The following HIP1 variants were observed in gnomAD, a reference collection of about 807,000 sequenced individuals.
HIP1 encodes huntingtin interacting protein 1, also known as huntingtin-interacting protein 1.
In HIP1, 65 loss-of-function variants were observed where a neutral mutation model predicts 147.6. The ratio of observed to expected loss-of-function variants is 0.44; its 90% CI spans 0.36 to 0.54. The LOEUF is 0.54. HIP1 is among the 20% of genes least tolerant of loss of function. The pLI is 0.00. For synonymous variants in HIP1, 479 were observed against 504.0 expected (o/e 0.95, Z 0.67); for missense variants, 1,061 against 1,299.6 (o/e 0.82, Z 2.82).
intron 1 of HIP1, among the ~76,000 whole-genome samples, chr7:75,619,515 CAAAA>C (rs587631989): frequency 9.1e-6 from 1 of 109,712 alleles, no homozygotes. Context: ...GACTTTGTCT[CAAAA>C]AAAAAAAAAA....
intron 1 of HIP1, among the ~76,000 whole-genome samples, chr7:75,737,236 AT>A (rs1328043798): frequency 1.3e-5 from 2 of 150,226 alleles, no homozygotes; most frequent in Admixed American, 6.6e-5. Context: ...TAATTTTTTT[AT>A]TTTTTGTAGA....
At chr7:75,549,139 G>T (rs888025538) in intron 22 of HIP1, 138 bp from the exon 23 acceptor site, 8 of 620,648 alleles carry the variant, frequency 1.3e-5, no homozygotes, top group African/African-American at 1.1e-4. Context: ...GTTGTGGGGG[G>T]GTCTTTTGCA....
chr7:75,658,885 C>T (rs868906555), intron 1 of HIP1, among the ~76,000 whole-genome samples: 3 of 151,918 alleles, frequency 2.0e-5, no homozygotes, highest in South Asian at 2.1e-4. Flanking sequence ...CAGAGTGAGA[C>T]GCCATCTCAA....
At chr7:75,682,006 A>G (rs1800092560) in intron 1 of HIP1, among the ~76,000 whole-genome samples, 1 of 147,066 alleles carries the variant, frequency 6.8e-6, no homozygotes, top group African/African-American at 2.5e-5. Context: ...TATTTATCTA[A>G]GGCAACAACC....
rs527728694 is a variant in HIP1, at chr7:75,713,990, G to C, written c.120+24811C>G. 3.6e-4 allele frequency among the ~76,000 whole-genome samples: 51 copies of C among 141,354 alleles called. No individual in the cohort carries two copies. The East Asian group carries it at 6.0e-3, about 17-fold the overall frequency. The allele number at this position is 141,354 out of a possible 152,430, so 92.7% of individuals were successfully genotyped here. On this transcript the variant is annotated intron_variant, in intron 1 of 30. Coordinates refer to ENST00000336926, the MANE Select transcript of HIP1 (RefSeq NM_005338.7). ...GCTGGGATTACAGGCATGAGCCACT[G>C]TGCCCAGCCTCTTTTTTTTTTTAAC...
At chr7:75,728,787 CAAAAAAA>C (rs782634244) in intron 1 of HIP1, among the ~76,000 whole-genome samples, 1 of 62,776 alleles carries the variant, frequency 1.6e-5, no homozygotes, top group Non-Finnish European at 3.2e-5. Flanking sequence ...GACTCTGTCT[CAAAAAAA>C]AAAAAAAAAA....
In HIP1 at chr7:75,581,235, A is replaced by G; in HGVS notation, c.604+2T>C. 3 of 1,607,438 alleles carry G rather than the reference A, an allele frequency of 1.9e-6. No homozygotes were observed. Among genetic ancestry groups the G allele is most frequent in the Non-Finnish European group, 2.6e-6 (3 of 1,175,522 alleles). On this transcript the variant is annotated splice_donor_variant, in intron 7 of 30. Transcript: ENST00000336926. LOFTEE classifies it high-confidence loss of function. ...GGGTTAGACGGGAGGGAAGAGACTC[A>G]CCTGTTTGGAAGAGGTTGAGTTCAC...
At position 75,539,447 on chromosome 7, in the gene HIP1, AG is replaced by A. The variant is rs781991478; in HGVS notation, c.2953-17del. 6.3e-7 allele frequency: 1 copy of A among 1,582,156 alleles called. No homozygotes were observed. Among genetic ancestry groups the A allele is most frequent in the Non-Finnish European group, 8.7e-7 (1 of 1,151,354 alleles). ...GCACCCTAACCTGTAAGGGAAATTA[AG>A]TGGGATTTTCTCTTAATCATCTCTC... On this transcript the variant is annotated splice_polypyrimidine_tract_variant and intron_variant, in intron 29 of 30. Coordinates refer to ENST00000336926, the MANE Select transcript of HIP1 (RefSeq NM_005338.7).
At chr7:75,554,361 C>A (rs1289511103) in intron 20 of HIP1, 79 bp downstream of exon 20, 1 of 1,341,222 alleles carries the variant, frequency 7.5e-7, no homozygotes, top group Admixed American at 1.7e-5. Flanking sequence ...AGGGACCTGT[C>A]ACTATCCCCG....
chr7:75,687,566 C>T (rs1188830970), intron 1 of HIP1, among the ~76,000 whole-genome samples: 2 of 152,090 alleles, frequency 1.3e-5, no homozygotes, highest in Non-Finnish European at 2.9e-5. Flanking sequence ...TGGCGGGCAC[C>T]TGTAATCCCA....
chr7:75,564,025 A>G (rs1795322219), intron 9 of HIP1, among the ~76,000 whole-genome samples: 1 of 151,924 alleles, frequency 6.6e-6, no homozygotes, highest in Non-Finnish European at 1.5e-5. Flanking sequence ...CTGAGTAGCT[A>G]GAATTACAGG....
chr7:75,682,581 G>GAAAAC (rs3216943), intron 1 of HIP1, among the ~76,000 whole-genome samples: 18,856 of 148,652 alleles, frequency 0.13, 1,298 homozygotes, highest in African/African-American at 0.17. Context: ...TTTACAGACA[G>GAAAAC]AAAACAAAAC....
chr7:75,723,338 C>T (rs1325372366), intron 1 of HIP1, among the ~76,000 whole-genome samples: 1 of 152,142 alleles, frequency 6.6e-6, no homozygotes, highest in Non-Finnish European at 1.5e-5. Context: ...CGCCATTGCA[C>T]TCCACCCTGG....
Position 75,533,527 on chromosome 7 carries a change from A to G in HIP1, c.*4645T>C, listed in dbSNP as rs1256130250. 9 of 232,004 alleles carry G rather than the reference A, an allele frequency of 3.9e-5. No homozygotes were observed. Among genetic ancestry groups the G allele is most frequent in the Admixed American group, 1.7e-4 (3 of 17,724 alleles). The allele number at this position is 232,004 out of a possible 1,614,324, so 14.4% of individuals were successfully genotyped here. On this transcript the variant is annotated 3_prime_UTR_variant, in exon 31 of 31. Coordinates refer to ENST00000336926, the MANE Select transcript of HIP1 (RefSeq NM_005338.7). ...ACAGAAGAAAAACAAACCCAACCCT[A>G]TCCCTGCAAACTGAAATGTGAAAGA...
chr7:75,599,601 G>A (rs1366539050), intron 1 of HIP1, among the ~76,000 whole-genome samples: 2 of 152,146 alleles, frequency 1.3e-5, no homozygotes, highest in Non-Finnish European at 2.9e-5. Context: ...CGGAGCAGGA[G>A]GAAGAGGCGC....
At chr7:75,541,864 C>A in intron 29 of HIP1, 55 bp downstream of exon 29, 1 of 1,275,716 alleles carries the variant, frequency 7.8e-7, no homozygotes, top group South Asian at 1.2e-5. Flanking sequence ...GAATAATATT[C>A]AGAGTCCATG....
At position 75,592,474 on chromosome 7, in the gene HIP1, G is replaced by C; in HGVS notation, c.225C>G (p.Thr75=). ...LGTHHEKGAQ[T]FWSVVNRLPL... ...GCAGGCGGTTGACAACAGACCAGAA[G>C]GTCTGTGCCCCTTTCTCATGGTGGG... The change falls in exon 3 of 31, where the codon ACC becomes ACG. Residue 75 remains threonine, a synonymous_variant. Coordinates refer to ENST00000336926, the MANE Select transcript of HIP1 (RefSeq NM_005338.7). The C allele has an allele frequency of 6.2e-7, 1 of 1,611,398 alleles. No homozygotes were observed. The highest frequency in any genetic ancestry group is 8.5e-7 in the Non-Finnish European group (1 of 1,179,454).
chr7:75,685,225 C>G (rs1554517453), intron 1 of HIP1, among the ~76,000 whole-genome samples: 3 of 152,154 alleles, frequency 2.0e-5, no homozygotes, highest in East Asian at 3.9e-4. Flanking sequence ...CCAGCCTGGA[C>G]AACATAGTGA....
At chr7:75,563,310 C>T in intron 9 of HIP1, 47 bp from the exon 10 acceptor site, 1 of 1,567,576 alleles carries the variant, frequency 6.4e-7, no homozygotes, top group Non-Finnish European at 8.8e-7. Flanking sequence ...CTTCATCAGC[C>T]CCATGTAGGG....
Sources: gnomAD v4.1 joint callset for allele counts (sites outside exome capture counted in the v4.1 genomes callset) on GRCh38, gnomAD v4.1.1 for gene constraint, MANE v1.5 for transcripts, NCBI Gene and HGNC (gene_info 2026-07-23, HGNC 2026-07-21) for gene names.